The following LSAMP variants were observed in gnomAD, a reference collection of about 807,000 sequenced individuals.
The protein encoded by LSAMP is limbic system associated membrane protein, also known as limbic system-associated membrane protein.
In LSAMP, 7 loss-of-function variants were observed where a neutral mutation model predicts 38.6. That is an observed-to-expected ratio of 0.18 (90% CI 0.10 to 0.34). LSAMP has a LOEUF of 0.34. Among genes scored for constraint, LSAMP ranks in the 10% least tolerant of loss-of-function variants. The pLI is 1.00. For missense variants in LSAMP, 313 were observed against 420.0 expected (o/e 0.75, Z 2.23); for synonymous variants, 154 against 166.8 (o/e 0.92, Z 0.59).
chr3:115,925,566 C>T (rs1336580986), intron 3 of LSAMP, among the ~76,000 whole-genome samples: 1 of 152,026 alleles, frequency 6.6e-6, no homozygotes, highest in African/African-American at 2.4e-5. Context: ...TTTGATATTG[C>T]AAACTGTATA....
At chr3:116,103,701 T>G (rs906043537) in intron 1 of LSAMP, among the ~76,000 whole-genome samples, 1 of 151,782 alleles carries the variant, frequency 6.6e-6, no homozygotes, top group Non-Finnish European at 1.5e-5. Flanking sequence ...CATTCTTCTG[T>G]CTAAATAAGA....
intron 1 of LSAMP, among the ~76,000 whole-genome samples, chr3:116,267,829 T>C (rs931885902): frequency 5.3e-5 from 8 of 152,094 alleles, no homozygotes; most frequent in Non-Finnish European, 8.8e-5. Context: ...GGGTGAGCGA[T>C]GAGCCAAGCT....
chr3:116,400,926 A>G (rs1184228568), intron 1 of LSAMP, among the ~76,000 whole-genome samples: 1 of 152,138 alleles, frequency 6.6e-6, no homozygotes, highest in African/African-American at 2.4e-5. Context: ...CTGTGCATAT[A>G]TACTACCTAC....
intron 6 of LSAMP, chr3:115,816,554 T>C (rs892907740): frequency 6.0e-6 from 6 of 997,988 alleles, no homozygotes; most frequent in African/African-American, 1.7e-5. Context: ...AAGACAACAA[T>C]ATATTGCTGT....
chr3:116,094,239 C>T (rs1708178864), intron 1 of LSAMP, among the ~76,000 whole-genome samples: 1 of 152,196 alleles, frequency 6.6e-6, no homozygotes, highest in Non-Finnish European at 1.5e-5. Context: ...TGGGAATTCA[C>T]TGCTGACACT....
intron 1 of LSAMP, among the ~76,000 whole-genome samples, chr3:116,131,281 T>G (rs368060817): frequency 3.3e-5 from 5 of 152,034 alleles, no homozygotes; most frequent in East Asian, 1.9e-4. Context: ...GTGAGCCACC[T>G]CGCCCGGCCT....
At chr3:115,899,165 C>T (rs977398567) in intron 3 of LSAMP, among the ~76,000 whole-genome samples, 8 of 152,052 alleles carry the variant, frequency 5.3e-5, no homozygotes, top group African/African-American at 1.9e-4. Context: ...ATTCAGGGTA[C>T]AAAGAATAAC....
chr3:116,024,807 A>G (rs1197380906), intron 2 of LSAMP, among the ~76,000 whole-genome samples: 1 of 150,894 alleles, frequency 6.6e-6, no homozygotes, highest in Non-Finnish European at 1.5e-5. Flanking sequence ...TATTATTATC[A>G]TTATCATTAT....
chr3:116,291,414 T>C (rs2047266386), intron 1 of LSAMP, among the ~76,000 whole-genome samples: 1 of 152,160 alleles, frequency 6.6e-6, no homozygotes, highest in South Asian at 2.1e-4. Flanking sequence ...CCATTTAACC[T>C]TGGGCAAGAC....
At chr3:116,191,862 A>G (rs1447409166) in intron 1 of LSAMP, among the ~76,000 whole-genome samples, 3 of 152,056 alleles carry the variant, frequency 2.0e-5, no homozygotes, top group Non-Finnish European at 4.4e-5. Flanking sequence ...AATTCTTTTC[A>G]TCCATATCCA....
chr3:116,225,113 C>G (rs994228222), intron 1 of LSAMP, among the ~76,000 whole-genome samples: 1 of 151,886 alleles, frequency 6.6e-6, no homozygotes. Flanking sequence ...CACTAGTGGC[C>G]CCCACAAAAG....
At chr3:116,331,858 A>G (rs536540841) in intron 1 of LSAMP, among the ~76,000 whole-genome samples, 1 of 151,424 alleles carries the variant, frequency 6.6e-6, no homozygotes, top group South Asian at 2.1e-4. Context: ...TTCTTTTTTT[A>G]GAGGCAGGGC....
chr3:116,397,185 G>T (rs922429948), intron 1 of LSAMP, among the ~76,000 whole-genome samples: 1 of 152,078 alleles, frequency 6.6e-6, no homozygotes, highest in Non-Finnish European at 1.5e-5. Flanking sequence ...AACCTATAAA[G>T]CTCTATAGAC....
At chr3:116,296,184 A>C (rs186448012) in intron 1 of LSAMP, among the ~76,000 whole-genome samples, 1 of 152,334 alleles carries the variant, frequency 6.6e-6, no homozygotes, top group African/African-American at 2.4e-5. Flanking sequence ...AGTGTAAAGA[A>C]GACTTTCTTC....
At chr3:116,442,566 G>A (rs973229796) in intron 1 of LSAMP, among the ~76,000 whole-genome samples, 4 of 152,098 alleles carry the variant, frequency 2.6e-5, no homozygotes, top group Admixed American at 2.6e-4. Flanking sequence ...TTGAGAAGAA[G>A]GTCAGCTAAG....
chr3:116,107,618 G>A (rs887073558), intron 1 of LSAMP, among the ~76,000 whole-genome samples: 2 of 152,140 alleles, frequency 1.3e-5, no homozygotes, highest in Non-Finnish European at 2.9e-5. Flanking sequence ...GAATTATGCC[G>A]AGATATGTAA....
At chr3:116,060,449 C>T (rs1171745858) in intron 2 of LSAMP, among the ~76,000 whole-genome samples, 1 of 152,166 alleles carries the variant, frequency 6.6e-6, no homozygotes, top group Non-Finnish European at 1.5e-5. Flanking sequence ...CACACACACA[C>T]ACACACATAG....
chr3:116,019,527 G>A lies in LSAMP; in HGVS notation c.502C>T (p.Leu168Phe), dbSNP rs747174449. The part of the protein sequence containing the change: ...RPEPVITWRH[L>F]TPTGREFEGE... ...GAGTATTGCTTACCAGTTGGTGTAA[G>A]GTGTCTCCAGGTGATAACAGGTTCA... Residue 168 changes from leucine (L) to phenylalanine (F), a missense_variant, in exon 3 of 7, where the codon CTT (leucine) becomes TTT (phenylalanine). Physicochemically the swap from Leu to Phe is conservative, Grantham distance 22. Transcript: ENST00000490035. 1.2e-6 allele frequency: 2 copies of A among 1,612,184 alleles called. No individual in the cohort carries two copies. Among genetic ancestry groups the A allele is most frequent in the Non-Finnish European group, 8.5e-7 (1 of 1,178,696 alleles).
chr3:116,294,940 AT>A (rs1349168656), intron 1 of LSAMP, among the ~76,000 whole-genome samples: 15 of 135,098 alleles, frequency 1.1e-4, no homozygotes, highest in African/African-American at 4.0e-4. Context: ...TAGCAACTGC[AT>A]AGTTCTTACA....
Sources: allele counts gnomAD v4.1 joint callset (sites outside exome capture counted in the v4.1 genomes callset), GRCh38; gene constraint gnomAD v4.1.1; transcripts MANE v1.5; gene names NCBI Gene and HGNC (gene_info 2026-07-23, HGNC 2026-07-21).